GDAP1: variants seen among roughly 807,000 people sequenced by gnomAD.
GDAP1 encodes the protein ganglioside-induced differentiation-associated protein 1.
In GDAP1, 34 loss-of-function variants were observed where a neutral mutation model predicts 40.1. The ratio of observed to expected loss-of-function variants is 0.85; its 90% confidence interval spans 0.64 to 1.13. The LOEUF is 1.13. Ranked by LOEUF, GDAP1 falls within the 50% of genes most tolerant of loss-of-function variation. The pLI is 0.00. For synonymous variants in GDAP1, 170 were observed against 157.4 expected (o/e 1.08, Z -0.60); for missense variants, 374 against 433.7 (o/e 0.86, Z 1.22).
rs1253551292 is a variant in GDAP1 at position 74,365,984 on chromosome 8, A to G, written c.*1617A>G. The G allele has an allele frequency of 8.9e-6, 4 of 451,784 alleles. No homozygotes were observed. The highest frequency in any genetic ancestry group is 4.0e-5 in the African/African-American group (2 of 49,860). The allele number at this position is 451,784 out of a possible 1,614,324, so 28.0% of individuals were successfully genotyped here. A position where few individuals can be genotyped will look rare whatever the true frequency, so the allele number is the denominator to read the frequency against. Reference sequence around the variant, plus strand: ...TTAGTTCATAGTGTTTGAGTTCTTTATGTCACTCTGTTAGAAACAAGAACT... The same window carrying G: ...TTAGTTCATAGTGTTTGAGTTCTTTGTGTCACTCTGTTAGAAACAAGAACT... On this transcript the variant is annotated 3_prime_UTR_variant, in exon 6 of 6. Coordinates refer to ENST00000220822, the MANE Select transcript of GDAP1 (RefSeq NM_018972.4).
intron 2 of GDAP1, among the ~76,000 whole-genome samples, chr8:74,438,450 G>A (rs1355419824): frequency 3.3e-5 from 5 of 152,096 alleles, no homozygotes; most frequent in Non-Finnish European, 5.9e-5. Context: ...CTAATCTAAC[G>A]TGTGTGAAAT....
intron 2 of GDAP1, among the ~76,000 whole-genome samples, chr8:74,484,481 T>A (rs1008725740): frequency 2.6e-5 from 4 of 152,212 alleles, no homozygotes; most frequent in African/African-American, 9.6e-5. Context: ...CAGAACACAT[T>A]GCTGATTCTG....
chr8:74,471,848 T>C (rs914411924), intron 2 of GDAP1, among the ~76,000 whole-genome samples: 6 of 152,208 alleles, frequency 3.9e-5, no homozygotes, highest in Admixed American at 1.3e-4. Flanking sequence ...TATCAATTGT[T>C]TGTTCCTTAA....
intron 2 of GDAP1, among the ~76,000 whole-genome samples, chr8:74,424,147 T>C (rs1193832427): frequency 1.3e-5 from 2 of 152,168 alleles, no homozygotes; most frequent in Non-Finnish European, 2.9e-5. Flanking sequence ...TGCTCCTGTA[T>C]ACTTTAAGTC....
intron 2 of GDAP1, among the ~76,000 whole-genome samples, chr8:74,449,578 A>G (rs955087571): frequency 5.9e-5 from 9 of 151,740 alleles, no homozygotes; most frequent in African/African-American, 1.2e-4. Flanking sequence ...TATGTTTTTT[A>G]TGTTATTAAA....
intron 2 of GDAP1, among the ~76,000 whole-genome samples, chr8:74,446,147 C>T (rs985621013): frequency 5.9e-5 from 9 of 152,054 alleles, no homozygotes; most frequent in Admixed American, 2.6e-4. Flanking sequence ...GACTGTGATC[C>T]AAGTTGTGGA....
chr8:74,350,682 C>T (rs1301484644), intron 1 of GDAP1, 104 bp downstream of exon 1: 8 of 821,886 alleles, frequency 9.7e-6, no homozygotes, highest in African/African-American at 1.7e-5. Context: ...TAGAAATCCG[C>T]CTCCAGTGTC....
intron 2 of GDAP1, among the ~76,000 whole-genome samples, chr8:74,450,198 G>A (rs577824555): frequency 1.3e-4 from 20 of 150,730 alleles, no homozygotes; most frequent in African/African-American, 3.7e-4. Flanking sequence ...GTTAGATAAC[G>A]TGTTCTGTAA....
intron 2 of GDAP1, among the ~76,000 whole-genome samples, chr8:74,426,249 A>G (rs1192191238): frequency 6.6e-6 from 1 of 152,244 alleles, no homozygotes; most frequent in Non-Finnish European, 1.5e-5. Context: ...CATTTTATGT[A>G]ACTATGATAC....
intron 2 of GDAP1, among the ~76,000 whole-genome samples, chr8:74,415,029 C>T (rs914637231): frequency 6.7e-6 from 1 of 150,218 alleles, no homozygotes; most frequent in South Asian, 2.1e-4. Flanking sequence ...TGGTACACTT[C>T]TAGATTGCTC....
At chr8:74,415,094 G>C (rs78231052) in intron 2 of GDAP1, among the ~76,000 whole-genome samples, 1 of 150,072 alleles carries the variant, frequency 6.7e-6, no homozygotes, top group Admixed American at 6.6e-5. Flanking sequence ...TCCTTCCAGA[G>C]TGAAAGAGTA....
chr8:74,397,008 C>G (rs1810211453), intron 2 of GDAP1, among the ~76,000 whole-genome samples: 2 of 152,190 alleles, frequency 1.3e-5, no homozygotes, highest in East Asian at 1.9e-4. Flanking sequence ...CACATCCTCT[C>G]TAGCACCTGA....
intron 2 of GDAP1, among the ~76,000 whole-genome samples, chr8:74,407,715 G>A (rs754367980): frequency 6.7e-6 from 1 of 149,812 alleles, no homozygotes; most frequent in Non-Finnish European, 1.5e-5. Context: ...TAATATACCT[G>A]TCTTTATAAA....
intron 2 of GDAP1, among the ~76,000 whole-genome samples, chr8:74,432,714 C>T (rs1385291541): frequency 6.6e-6 from 1 of 152,142 alleles, no homozygotes; most frequent in Non-Finnish European, 1.5e-5. Flanking sequence ...TCCTTCAAGG[C>T]CTTGTGCAAA....
intron 2 of GDAP1, among the ~76,000 whole-genome samples, chr8:74,373,890 G>A (rs558368927): frequency 6.6e-6 from 1 of 152,236 alleles, no homozygotes; most frequent in South Asian, 2.1e-4. Context: ...ATTGGCTGTG[G>A]GTTTGTCATA....
intron 2 of GDAP1, among the ~76,000 whole-genome samples, chr8:74,394,099 G>A (rs112608372): frequency 6.6e-6 from 1 of 152,178 alleles, no homozygotes; most frequent in Non-Finnish European, 1.5e-5. Context: ...GTTCCACATG[G>A]CTGGGGAGGC....
At chr8:74,447,031 T>A (rs1393751751) in intron 2 of GDAP1, among the ~76,000 whole-genome samples, 1 of 152,100 alleles carries the variant, frequency 6.6e-6, no homozygotes, top group Non-Finnish European at 1.5e-5. Context: ...AATTGTACAT[T>A]TAATCAAATA....
chr8:74,471,982 GGTTT>G (rs1382550090), intron 2 of GDAP1, among the ~76,000 whole-genome samples: 1 of 152,026 alleles, frequency 6.6e-6, no homozygotes, highest in Non-Finnish European at 1.5e-5. Flanking sequence ...TACATGTGCA[GGTTT>G]GTTATATAGG....
In GDAP1 at chr8:74,409,455, G is replaced by A. The variant is rs187265264; in HGVS notation, c.165+58134G>A. ...CAACCTCTGCCTCCCAGGCTCAAGCGATTCTCCTGCCCCAGCCTCCGGAGT... is the reference window on the plus strand; with the variant it reads ...CAACCTCTGCCTCCCAGGCTCAAGCAATTCTCCTGCCCCAGCCTCCGGAGT... On this transcript the variant is annotated intron_variant, in intron 2 of 2. Coordinates refer to the GDAP1 transcript ENST00000523640. Among the ~76,000 whole-genome samples the A allele has an allele frequency of 6.1e-3, 914 of 149,728 alleles. 96 individuals are homozygous for A. Among genetic ancestry groups the A allele is most frequent in the African/African-American group, 0.022 (850 of 39,150 alleles).
Sources: gnomAD v4.1 joint callset for allele counts (sites outside exome capture counted in the v4.1 genomes callset) on GRCh38, gnomAD v4.1.1 for gene constraint, MANE v1.5 for transcripts, NCBI Gene and HGNC (gene_info 2026-07-23, HGNC 2026-07-21) for gene names.